Variants in CELA3B observed in about 807,000 individuals in gnomAD.
CELA3B encodes chymotrypsin like elastase 3B.
CELA3B carries 34 observed loss-of-function variants against 37.2 expected under a neutral mutation model. The observed-to-expected ratio is 0.91, with a 90% CI of 0.70 to 1.22. CELA3B has a LOEUF of 1.22. Ranked by LOEUF, CELA3B falls within the 50% of genes most tolerant of loss-of-function variation. The pLI, the probability that CELA3B is intolerant of heterozygous loss-of-function variation, is 0.00. For synonymous variants in CELA3B, 127 were observed against 143.5 expected, an observed-to-expected ratio of 0.89 and a Z score of 0.82; for missense variants, 340 against 363.1, an observed-to-expected ratio of 0.94 and a Z score of 0.52.
downstream of CELA3B, among the ~76,000 whole-genome samples, chr1:21,993,604 C>T (rs1290453147): frequency 1.8e-3 from 270 of 150,590 alleles, no homozygotes; most frequent in African/African-American, 6.5e-3. Context: ...AGTACAGTGG[C>T]CCCATCACTG....
At chr1:21,986,460 C>T (rs1470343534) in intron 6 of CELA3B, 71 bp from the exon 7 acceptor site, 6 of 1,574,222 alleles carry the variant, frequency 3.8e-6, no homozygotes, top group Non-Finnish European at 5.2e-6. Flanking sequence ...TCTCGAAATC[C>T]CTAGAATTCA....
chr1:21,986,657 T>C lies in CELA3B; in HGVS notation c.769T>C (p.Ser257Pro). The change falls in exon 7 of 8, where the codon TCC becomes CCC. Residue 257 changes from serine to proline, a missense_variant. By Grantham distance (74) the Ser-to-Pro change is moderately conservative. Coordinates refer to ENST00000337107, the MANE Select transcript of CELA3B (RefSeq NM_007352.4). ...GAAGCCCACGGTGTTCACTCGAGTC[T>C]CCGCCTTCATTGACTGGATTGAGGA... ...RRKPTVFTRVSAFIDWIEETI... is the reference protein window; with the variant it reads ...RRKPTVFTRVPAFIDWIEETI... 6.2e-7 allele frequency: 1 copy of C among 1,613,752 alleles called. No homozygotes were observed. Among genetic ancestry groups the C allele is most frequent in the Non-Finnish European group, 8.5e-7 (1 of 1,179,942 alleles).
chr1:21,980,250 T>A (rs1412489626), intron 2 of CELA3B, among the ~76,000 whole-genome samples: 1 of 142,178 alleles, frequency 7.0e-6, no homozygotes, highest in Non-Finnish European at 1.5e-5. Flanking sequence ...GAGGCCGAGG[T>A]GGGCAGATCA....
intron 4 of CELA3B, among the ~76,000 whole-genome samples, chr1:21,996,312 A>C (rs1352276630): frequency 2.0e-5 from 3 of 151,182 alleles, no homozygotes; most frequent in African/African-American, 7.4e-5. Flanking sequence ...CAGCTCATAA[A>C]GACCTTGCTG....
intron 4 of CELA3B, among the ~76,000 whole-genome samples, chr1:21,997,391 C>CAAAA (rs34063955): frequency 8.1e-6 from 1 of 123,666 alleles, no homozygotes; most frequent in Non-Finnish European, 1.6e-5. Context: ...AGACTCGTCT[C>CAAAA]AAAAAAAAAA....
At chr1:21,992,936 C>A (rs1259159759), downstream of CELA3B, among the ~76,000 whole-genome samples, 1 of 148,926 alleles carries the variant, frequency 6.7e-6, no homozygotes, top group African/African-American at 2.5e-5. Flanking sequence ...CTGTACCACT[C>A]CAGCCTGGGT....
downstream of CELA3B, among the ~76,000 whole-genome samples, chr1:21,991,980 TGTG>T (rs201795371): frequency 0.2 from 30,231 of 150,114 alleles, 4,363 homozygotes; most frequent in East Asian, 0.39. Context: ...ATTAGGCAGG[TGTG>T]GTGGTGGGTG....
chr1:21,982,197 G>C (rs975285952), intron 4 of CELA3B, among the ~76,000 whole-genome samples: 1 of 152,136 alleles, frequency 6.6e-6, no homozygotes, highest in Admixed American at 6.6e-5. Flanking sequence ...AGAGAGAAAA[G>C]GGAGACCCAG....
At chr1:21,979,747 C>T (rs1017560221) in intron 2 of CELA3B, among the ~76,000 whole-genome samples, 1 of 151,280 alleles carries the variant, frequency 6.6e-6, no homozygotes, top group African/African-American at 2.4e-5. Context: ...AGCCACCATG[C>T]TTGGCCTGCT....
At chr1:21,983,991 C>CA (rs1292699632) in intron 5 of CELA3B, among the ~76,000 whole-genome samples, 161 bp downstream of exon 5, 1 of 152,216 alleles carries the variant, frequency 6.6e-6, no homozygotes, top group Non-Finnish European at 1.5e-5. Context: ...CGAATGTGGT[C>CA]AATTGCACAT....
At chr1:21,993,210 C>T (rs1302535199), downstream of CELA3B, among the ~76,000 whole-genome samples, 1 of 151,230 alleles carries the variant, frequency 6.6e-6, no homozygotes. Flanking sequence ...CCTGTAATCC[C>T]GGCACTTTGG....
intron 6 of CELA3B, among the ~76,000 whole-genome samples, chr1:21,985,267 A>G: frequency 7.3e-6 from 1 of 136,788 alleles, no homozygotes. Flanking sequence ...TGGGCGACAG[A>G]GCAAGATGTT....
intron 2 of CELA3B, 90 bp from the exon 3 acceptor site, chr1:21,980,733 GA>G (rs1644798931): frequency 1.1e-6 from 1 of 898,786 alleles, no homozygotes; most frequent in Non-Finnish European, 1.8e-6. Flanking sequence ...GCGCCCTCTA[GA>G]GTTGCACAGT....
At position 21,996,029 on chromosome 1, in the gene CELA3B, C is replaced by T. The variant is rs559043726; in HGVS notation, c.505-2122C>T. ...GGGAGTTCGAGACCAACCTGACCAA[C>T]ATGGCAAAATGAGGTCTCTACACAA... On this transcript the variant is annotated intron_variant, in intron 4 of 4. Transcript: ENST00000400277. 8.6e-5 allele frequency among the ~76,000 whole-genome samples: 13 copies of T among 150,758 alleles called. No homozygotes were observed. In the South Asian group the frequency reaches 2.5e-3, roughly 29 times the overall value.
chr1:21,994,649 A>G (rs1390724933), intron 4 of CELA3B, among the ~76,000 whole-genome samples: 1 of 151,008 alleles, frequency 6.6e-6, no homozygotes, highest in Non-Finnish European at 1.5e-5. Flanking sequence ...GCTCGGGTGC[A>G]TCTCTCTTCA....
chr1:21,985,280 C>CT (rs550752207), intron 6 of CELA3B, among the ~76,000 whole-genome samples: 33,161 of 145,476 alleles, frequency 0.23, 6,263 homozygotes, highest in African/African-American at 0.49. Context: ...AAGATGTTGT[C>CT]TTTTTTTTTT....
chr1:21,990,972 C>T (rs1164860401), downstream of CELA3B, among the ~76,000 whole-genome samples: 10 of 58,432 alleles, frequency 1.7e-4, no homozygotes, highest in African/African-American at 5.6e-4. Context: ...GGAAGATTGT[C>T]CCAGCAAGGA....
At chr1:21,983,197 T>A (rs6426732) in intron 4 of CELA3B, among the ~76,000 whole-genome samples, 143,728 of 151,906 alleles carry the variant, frequency 0.95, 68,334 homozygotes, top group Non-Finnish European at 0.99. Flanking sequence ...TAAAAATAAT[T>A]AACAAAAATT....
chr1:21,981,946 C>T (rs544410753), intron 4 of CELA3B, among the ~76,000 whole-genome samples: 90 of 152,120 alleles, frequency 5.9e-4, no homozygotes, highest in African/African-American at 2.0e-3. Flanking sequence ...AGGATGATCT[C>T]GATCTCCTGA....
Sources: gnomAD v4.1 joint callset for allele counts (sites outside exome capture counted in the v4.1 genomes callset) on GRCh38, gnomAD v4.1.1 for gene constraint, MANE v1.5 for transcripts, NCBI Gene and HGNC (gene_info 2026-07-23, HGNC 2026-07-21) for gene names.